The following CDKAL1 variants were observed in gnomAD, a reference collection of about 807,000 sequenced individuals.
CDKAL1 encodes the protein threonylcarbamoyladenosine tRNA methylthiotransferase.
In CDKAL1, 32 loss-of-function variants were observed where a neutral mutation model predicts 68.2. That is an observed-to-expected ratio of 0.47 (90% CI 0.35 to 0.63). The LOEUF is 0.63. Among genes scored for constraint, CDKAL1 ranks in the 30% least tolerant of loss-of-function variants. The probability of loss-of-function intolerance (pLI) is 0.00; values close to 1 mark genes in which losing one functional copy is unlikely to be tolerated. For missense variants in CDKAL1, 606 were observed against 696.7 expected, an observed-to-expected ratio of 0.87 and a Z score of 1.47; for synonymous variants, 234 against 244.3, an observed-to-expected ratio of 0.96 and a Z score of 0.39.
At chr6:21,065,480 G>T (rs1771384678) in intron 12 of CDKAL1, among the ~76,000 whole-genome samples, 1 of 151,912 alleles carries the variant, frequency 6.6e-6, no homozygotes, top group South Asian at 2.1e-4. Context: ...TTTTTAATTA[G>T]TATCTAGTAT....
intron 4 of CDKAL1, chr6:20,559,709 C>T (rs993825574): frequency 3.3e-5 from 5 of 151,954 alleles, no homozygotes; most frequent in African/African-American, 7.2e-5. Context: ...TCAGAATTAC[C>T]GGCATTATGG....
intron 15 of CDKAL1, among the ~76,000 whole-genome samples, chr6:21,206,890 G>A (rs1238738914): frequency 6.6e-6 from 1 of 151,098 alleles, no homozygotes; most frequent in East Asian, 1.9e-4. Flanking sequence ...AAAAGCAGTG[G>A]TTTCCTGGCT....
chr6:21,206,490 A>G (rs139473092), intron 15 of CDKAL1, among the ~76,000 whole-genome samples: 87 of 152,298 alleles, frequency 5.7e-4, no homozygotes, highest in African/African-American at 2.0e-3. Context: ...TACCATTTCT[A>G]AGATTGATTC....
intron 8 of CDKAL1, among the ~76,000 whole-genome samples, chr6:20,821,878 C>A (rs888626167): frequency 6.6e-6 from 1 of 152,114 alleles, no homozygotes; most frequent in Non-Finnish European, 1.5e-5. Context: ...GGCCAATGTG[C>A]AGTAAAGGGC....
At chr6:20,998,692 A>G (rs190957943) in intron 10 of CDKAL1, among the ~76,000 whole-genome samples, 6 of 152,286 alleles carry the variant, frequency 3.9e-5, no homozygotes, top group Admixed American at 1.3e-4. Context: ...AAGTGTATCC[A>G]GCTGCTTTTC....
intron 9 of CDKAL1, among the ~76,000 whole-genome samples, chr6:20,952,253 C>T (rs1443283535): frequency 3.3e-5 from 5 of 152,082 alleles, no homozygotes; most frequent in East Asian, 1.9e-4. Context: ...CCACTGCGCC[C>T]GCCCCCTCTT....
intron 13 of CDKAL1, among the ~76,000 whole-genome samples, chr6:21,127,224 C>T (rs928200973): frequency 1.3e-5 from 2 of 151,930 alleles, no homozygotes; most frequent in Non-Finnish European, 2.9e-5. Flanking sequence ...GGCGAATGCC[C>T]CTAGGAGAGA....
intron 15 of CDKAL1, among the ~76,000 whole-genome samples, chr6:21,202,225 T>C (rs1005918530): frequency 6.6e-6 from 1 of 152,174 alleles, no homozygotes; most frequent in Non-Finnish European, 1.5e-5. Context: ...GCAGTGATAA[T>C]TCACATGTGC....
chr6:20,562,545 C>G (rs1276297892), intron 4 of CDKAL1, among the ~76,000 whole-genome samples: 6 of 151,894 alleles, frequency 4.0e-5, no homozygotes, highest in Non-Finnish European at 7.4e-5. Flanking sequence ...TCCAGAAGAG[C>G]CTGACCAACA....
Position 20,609,196 on chromosome 6 carries a change from C to T in CDKAL1, c.287-40097C>T, listed in dbSNP as rs545349270. Among the ~76,000 whole-genome samples, 105 of 152,092 alleles carry T rather than the reference C, an allele frequency of 6.9e-4. No homozygotes were observed. The Middle Eastern group carries it at 0.017, about 25-fold the overall frequency. ...ATGTATTTTTCGATTTCCACCTGGACTCTTGGAGCACCTTTTTATTTTCTT... is the reference window on the plus strand; with the variant it reads ...ATGTATTTTTCGATTTCCACCTGGATTCTTGGAGCACCTTTTTATTTTCTT... On this transcript the variant is annotated intron_variant, in intron 4 of 15. Coordinates refer to ENST00000274695, the MANE Select transcript of CDKAL1 (RefSeq NM_017774.3).
intron 6 of CDKAL1, among the ~76,000 whole-genome samples, chr6:20,741,360 AG>A (rs1315579535): frequency 2.0e-5 from 3 of 152,020 alleles, no homozygotes; most frequent in Non-Finnish European, 4.4e-5. Flanking sequence ...GTACATGTGC[AG>A]GTTTGTTATA....
intron 13 of CDKAL1, among the ~76,000 whole-genome samples, chr6:21,151,134 A>T (rs9350323): frequency 1.3e-5 from 2 of 151,968 alleles, no homozygotes; most frequent in African/African-American, 4.8e-5. Context: ...TAGGGGTAGG[A>T]GTATGGGGAC....
intron 13 of CDKAL1, among the ~76,000 whole-genome samples, chr6:21,119,466 T>G (rs1427749776): frequency 6.6e-6 from 1 of 152,208 alleles, no homozygotes; most frequent in African/African-American, 2.4e-5. Context: ...CAATGTTTCC[T>G]CAACACCCAA....
intron 11 of CDKAL1, among the ~76,000 whole-genome samples, chr6:21,002,862 A>G (rs1767503802): frequency 6.6e-6 from 1 of 151,926 alleles, no homozygotes. Context: ...GTTGGCTCGC[A>G]CCTGTGATCC....
rs1232879286 is a variant in CDKAL1, at chr6:21,201,280, T to G, written c.1548+6T>G. 1 of 1,601,834 alleles carries G rather than the reference T, an allele frequency of 6.2e-7. No individual in the cohort carries two copies. The highest frequency in any genetic ancestry group is 1.1e-5 in the South Asian group (1 of 90,424). On this transcript the variant is annotated splice_donor_region_variant and intron_variant, in intron 15 of 15. Coordinates refer to ENST00000274695, the MANE Select transcript of CDKAL1 (RefSeq NM_017774.3). The stretch of plus-strand genomic sequence containing the variant: ...AAGTCTCGGGTTTGACAAAGGTAAG[T>G]AAAAGATGCTCTCCTCTCTACCCTG...
At chr6:20,815,773 A>G (rs558317180) in intron 8 of CDKAL1, among the ~76,000 whole-genome samples, 124 of 152,304 alleles carry the variant, frequency 8.1e-4, no homozygotes, top group African/African-American at 2.6e-3. Flanking sequence ...ACAGTTTGGT[A>G]ACTTCTGGTA....
intron 9 of CDKAL1, among the ~76,000 whole-genome samples, chr6:20,848,279 G>GTTTTTTTTGGTTTT (rs1561828380): frequency 1.6e-5 from 1 of 62,286 alleles, no homozygotes; most frequent in African/African-American, 3.6e-5. Context: ...CTGGAAAGTT[G>GTTTTTTTTGGTTTT]TTTTTTTTTT....
intron 8 of CDKAL1, among the ~76,000 whole-genome samples, chr6:20,784,514 T>C (rs1243735060): frequency 3.2e-5 from 4 of 126,716 alleles, no homozygotes; most frequent in African/African-American, 1.2e-4. Flanking sequence ...ACCTCCGCCC[T>C]CCTGGGTTCA....
At chr6:21,059,207 C>T (rs1015992918) in intron 11 of CDKAL1, among the ~76,000 whole-genome samples, 1 of 152,224 alleles carries the variant, frequency 6.6e-6, no homozygotes, top group African/African-American at 2.4e-5. Context: ...GCCACAGCCA[C>T]TGTGCTGCAT....
Sources: gnomAD v4.1 joint callset for allele counts (sites outside exome capture counted in the v4.1 genomes callset) on GRCh38, gnomAD v4.1.1 for gene constraint, MANE v1.5 for transcripts, NCBI Gene and HGNC (gene_info 2026-07-23, HGNC 2026-07-21) for gene names.